Variants in ADAMTS2 observed in about 807,000 individuals in gnomAD.
The protein encoded by ADAMTS2 is ADAM metallopeptidase with thrombospondin type 1 motif 2.
In ADAMTS2, 50 loss-of-function variants were observed where a neutral mutation model predicts 123.0. That is an observed-to-expected ratio of 0.41 (90% CI 0.32 to 0.51). The LOEUF (loss-of-function observed/expected upper bound fraction) is 0.51, where lower values mean the gene tolerates loss of function less well. Ranked by LOEUF, ADAMTS2 falls within the 20% of genes least tolerant of loss-of-function variation. The probability of loss-of-function intolerance (pLI) is 0.35; values close to 1 mark genes in which losing one functional copy is unlikely to be tolerated. For synonymous variants in ADAMTS2, 678 were observed against 695.4 expected (o/e 0.98, Z 0.39); for missense variants, 1,494 against 1,705.2 (o/e 0.88, Z 2.18).
chr5:179,324,931 C>A (rs995031069), intron 2 of ADAMTS2, among the ~76,000 whole-genome samples: 4 of 152,136 alleles, frequency 2.6e-5, no homozygotes, highest in Non-Finnish European at 5.9e-5. Flanking sequence ...CTCAGGGACC[C>A]CCCCACTGTC....
In ADAMTS2 at chr5:179,115,317, C is replaced by A. The variant is rs556539223; in HGVS notation, c.3179-993G>T. 2.0e-5 allele frequency among the ~76,000 whole-genome samples: 3 copies of A among 152,126 alleles called. No homozygotes were observed. Among genetic ancestry groups the A allele is most frequent in the African/African-American group, 7.2e-5 (3 of 41,416 alleles). Reference sequence around the variant, plus strand: ...CTCTGTCTCCTTCCCAAGTTTTCACCCCTTCCCTCTCCCCATCCCCTCATT... The same window carrying A: ...CTCTGTCTCCTTCCCAAGTTTTCACACCTTCCCTCTCCCCATCCCCTCATT... On this transcript the variant is annotated intron_variant, in intron 21 of 21. Transcript: ENST00000251582. This position sits in a 1 kb window ranked among gnomAD's most constrained non-coding sequence, Gnocchi z 4.4.
intron 4 of ADAMTS2, among the ~76,000 whole-genome samples, chr5:179,191,706 C>A (rs6895999): frequency 0.061 from 9,210 of 152,160 alleles, 290 homozygotes; most frequent in African/African-American, 0.075. Context: ...CTGCCCCCGC[C>A]TTAGGGTGAG....
chr5:179,198,594 G>A (rs1367165295), intron 4 of ADAMTS2, among the ~76,000 whole-genome samples: 2 of 152,210 alleles, frequency 1.3e-5, no homozygotes, highest in Admixed American at 1.3e-4. Context: ...AGCACTTTGG[G>A]AGGCTGAGGC....
At chr5:179,296,459 GC>G (rs140706282) in intron 2 of ADAMTS2, among the ~76,000 whole-genome samples, 1,704 of 152,304 alleles carry the variant, frequency 0.011, 16 homozygotes, top group African/African-American at 0.03. Context: ...CGAGGCTGGG[GC>G]CCCTGCTCGG....
intron 2 of ADAMTS2, among the ~76,000 whole-genome samples, chr5:179,275,043 G>C (rs1420130723): frequency 6.6e-6 from 1 of 152,164 alleles, no homozygotes; most frequent in African/African-American, 2.4e-5. Flanking sequence ...GAGCTGACCA[G>C]GTGGGTGGAC....
intron 2 of ADAMTS2, among the ~76,000 whole-genome samples, chr5:179,295,188 G>T (rs183846911): frequency 6.6e-6 from 1 of 152,330 alleles, no homozygotes; most frequent in Non-Finnish European, 1.5e-5. Flanking sequence ...ACACAGAGAA[G>T]AACCAGGTCC....
At chr5:179,320,702 C>T (rs576008575) in intron 2 of ADAMTS2, among the ~76,000 whole-genome samples, 6 of 152,286 alleles carry the variant, frequency 3.9e-5, no homozygotes, top group African/African-American at 1.2e-4. Flanking sequence ...AAGGAGGGCA[C>T]ATGACCCAGC....
chr5:179,189,315 G>A lies in ADAMTS2; in HGVS notation c.892-8160C>T, dbSNP rs930737205. 6.6e-6 allele frequency among the ~76,000 whole-genome samples: 1 copy of A among 151,860 alleles called. No individual in the cohort carries two copies. On this transcript the variant is annotated intron_variant, in intron 4 of 21. Transcript: ENST00000251582. The surrounding 1 kb of genome is among the most constrained non-coding windows in gnomAD (Gnocchi z 4.2). ...AGGGTGGTGGGACTACCATTCGTTG[G>A]TATAGGTTTGGGATAGACGGTGGAG...
At position 179,337,157 on chromosome 5, in the gene ADAMTS2, A is replaced by G. The variant is rs377073578; in HGVS notation, c.534+6610T>C. On this transcript the variant is annotated intron_variant, in intron 2 of 21. Coordinates refer to ENST00000251582, the MANE Select transcript of ADAMTS2 (RefSeq NM_014244.5). ...ATACGCAGCAGAGTGTGCAGCTCCTACCTGGATCCTCCCATTCCGGGGTAA... is the reference window on the plus strand; with the variant it reads ...ATACGCAGCAGAGTGTGCAGCTCCTGCCTGGATCCTCCCATTCCGGGGTAA... Among the ~76,000 whole-genome samples, 6 of 152,190 alleles carry G rather than the reference A, an allele frequency of 3.9e-5. No individual in the cohort carries two copies. In the East Asian group the frequency reaches 1.2e-3, roughly 29 times the overall value.
chr5:179,330,132 C>CAAAAA (rs58696442), intron 2 of ADAMTS2, among the ~76,000 whole-genome samples: 1 of 96,884 alleles, frequency 1.0e-5, no homozygotes, highest in Non-Finnish European at 2.1e-5. Context: ...GACTCCGTCT[C>CAAAAA]AAAAAAAAAA....
At position 179,175,268 on chromosome 5, in the gene ADAMTS2, T is replaced by C. The variant is rs1763906667; in HGVS notation, c.975+5804A>G. Among the ~76,000 whole-genome samples the C allele has an allele frequency of 6.6e-6, 1 of 152,024 alleles. No homozygotes were observed. The highest frequency in any genetic ancestry group is 2.4e-5 in the African/African-American group (1 of 41,372). ...GCCATGCTTGACCGTTCATGTTCCT[T>C]TGGAGGATGTCTCTTCCTTGCTTGG... On this transcript the variant is annotated intron_variant, in intron 5 of 21. Coordinates refer to ENST00000251582, the MANE Select transcript of ADAMTS2 (RefSeq NM_014244.5). The surrounding 1 kb of genome is among the most constrained non-coding windows in gnomAD (Gnocchi z 4.1).
intron 2 of ADAMTS2, among the ~76,000 whole-genome samples, chr5:179,276,753 T>A (rs1766707271): frequency 6.6e-6 from 1 of 152,178 alleles, no homozygotes; most frequent in South Asian, 2.1e-4. Flanking sequence ...CTGGGCCGAT[T>A]GAGCCAATTA....
At chr5:179,127,125 G>C (rs1173528041) in intron 17 of ADAMTS2, among the ~76,000 whole-genome samples, 1 of 152,222 alleles carries the variant, frequency 6.6e-6, no homozygotes, top group Non-Finnish European at 1.5e-5. Flanking sequence ...TTTGGGGTGA[G>C]AGTGGACACA....
In ADAMTS2 at chr5:179,129,682, A is replaced by G. The variant is rs544002895; in HGVS notation, c.2457+250T>C. ...CTGTGAATGTCATTCAGATGGTGAA[A>G]CCGAAACCCTCAAAGGGAGAGTGTG... On this transcript the variant is annotated intron_variant, in intron 16 of 21. Coordinates refer to ENST00000251582, the MANE Select transcript of ADAMTS2 (RefSeq NM_014244.5). This position sits in a 1 kb window ranked among gnomAD's most constrained non-coding sequence, Gnocchi z 4.1. 1.3e-5 allele frequency among the ~76,000 whole-genome samples: 2 copies of G among 152,292 alleles called. No individual in the cohort carries two copies. Among genetic ancestry groups the G allele is most frequent in the East Asian group, 3.9e-4 (2 of 5,162 alleles).
Position 179,114,294 on chromosome 5 carries a change from A to T in ADAMTS2, c.3209T>A (p.Phe1070Tyr). ...KGHCQGDKSIFCRMEVLSRYC... is the reference protein window; with the variant it reads ...KGHCQGDKSIYCRMEVLSRYC... ...GCGGGACAAGACTTCCATCCTACAG[A>T]ATATTGACTTGTCGCCTTGGCAGTG... The change falls in exon 22 of 22, where the codon TTC (phenylalanine) becomes TAC (tyrosine). Residue 1070 changes from phenylalanine (F) to tyrosine (Y), a missense_variant. Phe to Tyr is a conservative substitution (Grantham distance 22). Transcript: ENST00000251582. 1 of 1,614,070 alleles carries T rather than the reference A, an allele frequency of 6.2e-7. No homozygotes were observed.
intron 4 of ADAMTS2, among the ~76,000 whole-genome samples, chr5:179,201,654 T>C (rs1238387690): frequency 1.4e-5 from 1 of 71,054 alleles, no homozygotes. Context: ...AAAAAAAAAT[T>C]AGACGGCCGT....
rs145299653 is a variant in ADAMTS2 at position 179,246,863 on chromosome 5, T to C, written c.688+26048A>G. Reference sequence around the variant, plus strand: ...CAATGCAGACTTTACAAAAATAGTTTAGAAAAATCACTAAACAAACAAGCA... The same window carrying C: ...CAATGCAGACTTTACAAAAATAGTTCAGAAAAATCACTAAACAAACAAGCA... On this transcript the variant is annotated intron_variant, in intron 3 of 21. Transcript: ENST00000251582. Among the ~76,000 whole-genome samples the C allele has an allele frequency of 5.7e-3, 869 of 152,270 alleles. 11 individuals carry two copies. Among genetic ancestry groups the C allele is most frequent in the African/African-American group, 0.02 (831 of 41,544 alleles).
intron 3 of ADAMTS2, among the ~76,000 whole-genome samples, chr5:179,271,383 C>T (rs998707011): frequency 6.6e-6 from 1 of 152,176 alleles, no homozygotes; most frequent in Non-Finnish European, 1.5e-5. Flanking sequence ...CCAGAAGCAC[C>T]AAGCCCACAG....
At position 179,308,241 on chromosome 5, in the gene ADAMTS2, G is replaced by A. The variant is rs992499712; in HGVS notation, c.535-35177C>T. Among the ~76,000 whole-genome samples, 2 of 152,170 alleles carry A rather than the reference G, an allele frequency of 1.3e-5. No individual in the cohort carries two copies. The highest frequency in any genetic ancestry group is 6.5e-5 in the Admixed American group (1 of 15,284). On this transcript the variant is annotated intron_variant, in intron 2 of 21. Transcript: ENST00000251582. This position sits in a 1 kb window ranked among gnomAD's most constrained non-coding sequence, Gnocchi z 6.6. ...GCTCGGTGGAGGTGGGAAGACAGGC[G>A]CTGAGAGTTGTCTGACACAATTGTC...
Sources: allele counts gnomAD v4.1 joint callset (sites outside exome capture counted in the v4.1 genomes callset), GRCh38; gene constraint gnomAD v4.1.1; non-coding constraint Gnocchi (gnomAD v3.1); transcripts MANE v1.5; gene names NCBI Gene and HGNC (gene_info 2026-07-23, HGNC 2026-07-21).